The following LRRTM4 variants were observed in gnomAD, a reference collection of about 807,000 sequenced individuals.
The protein encoded by LRRTM4 is leucine-rich repeat transmembrane neuronal protein 4.
In LRRTM4, 25 loss-of-function variants were observed where a neutral mutation model predicts 47.6. That is an observed-to-expected ratio of 0.53 (90% CI 0.38 to 0.73). The LOEUF is 0.73. LRRTM4 is among the 30% of genes least tolerant of loss of function. The pLI, the probability that LRRTM4 is intolerant of heterozygous loss-of-function variation, is 0.00. For missense variants in LRRTM4, 638 were observed against 713.4 expected (o/e 0.89, Z 1.20); for synonymous variants, 311 against 269.5 (o/e 1.15, Z -1.51).
chr2:77,385,138 G>A (rs1357515421), intron 3 of LRRTM4, among the ~76,000 whole-genome samples: 1 of 152,090 alleles, frequency 6.6e-6, no homozygotes, highest in Non-Finnish European at 1.5e-5. Context: ...ACCAATCACA[G>A]TGAATATCTG....
intron 3 of LRRTM4, among the ~76,000 whole-genome samples, chr2:76,780,194 A>G (rs1017126166): frequency 1.4e-4 from 22 of 151,880 alleles, no homozygotes; most frequent in African/African-American, 5.3e-4. Context: ...TGCCCTTAAC[A>G]TTTTTTCCTT....
intron 3 of LRRTM4, among the ~76,000 whole-genome samples, chr2:77,170,200 T>C (rs1673008110): frequency 6.6e-6 from 1 of 151,586 alleles, no homozygotes; most frequent in South Asian, 2.1e-4. Context: ...ATGTGAGTCC[T>C]TAAGAGTGGG....
At chr2:76,795,525 C>T (rs10221606) in intron 3 of LRRTM4, among the ~76,000 whole-genome samples, 17,111 of 151,894 alleles carry the variant, frequency 0.11, 1,139 homozygotes, top group Non-Finnish European at 0.14. Context: ...GAGAGCACTA[C>T]ATATATACCA....
At chr2:77,316,650 C>T (rs1162139215) in intron 3 of LRRTM4, among the ~76,000 whole-genome samples, 5 of 151,814 alleles carry the variant, frequency 3.3e-5, no homozygotes, top group Admixed American at 6.6e-5. Flanking sequence ...TAGATTCAAG[C>T]GGTCCTCCTG....
intron 3 of LRRTM4, among the ~76,000 whole-genome samples, chr2:76,935,574 G>A (rs941752579): frequency 6.6e-6 from 1 of 152,122 alleles, no homozygotes; most frequent in Non-Finnish European, 1.5e-5. Flanking sequence ...CACATCCCTT[G>A]TAAGTTGTAT....
At chr2:77,266,000 T>C (rs1676039184) in intron 3 of LRRTM4, among the ~76,000 whole-genome samples, 1 of 152,160 alleles carries the variant, frequency 6.6e-6, no homozygotes, top group South Asian at 2.1e-4. Flanking sequence ...GGTTGGTAAA[T>C]TGTGGCCCAC....
At chr2:76,983,514 C>A (rs1676685736) in intron 3 of LRRTM4, among the ~76,000 whole-genome samples, 2 of 152,180 alleles carry the variant, frequency 1.3e-5, no homozygotes, top group African/African-American at 4.8e-5. Flanking sequence ...GTAAGACATG[C>A]CTTTGCTGCT....
At chr2:77,478,410 T>G (rs373601859) in intron 3 of LRRTM4, among the ~76,000 whole-genome samples, 2 of 152,210 alleles carry the variant, frequency 1.3e-5, no homozygotes, top group Non-Finnish European at 2.9e-5. Flanking sequence ...CTCTTCATTC[T>G]CTTCTTTTTA....
intron 3 of LRRTM4, among the ~76,000 whole-genome samples, chr2:76,854,079 T>C (rs1672074874): frequency 6.6e-6 from 1 of 152,186 alleles, no homozygotes. Context: ...TTACAGATTT[T>C]ATAATCCCCT....
intron 3 of LRRTM4, among the ~76,000 whole-genome samples, chr2:77,152,638 A>G (rs940951072): frequency 3.9e-5 from 6 of 152,050 alleles, no homozygotes; most frequent in Non-Finnish European, 5.9e-5. Context: ...ACTTTTTTGT[A>G]TCTTAGTTTC....
At chr2:76,858,587 T>C (rs1028684798) in intron 3 of LRRTM4, among the ~76,000 whole-genome samples, 57 of 152,308 alleles carry the variant, frequency 3.7e-4, no homozygotes, top group African/African-American at 1.3e-3. Context: ...TATTCTGCAG[T>C]AGGTAAAATA....
intron 3 of LRRTM4, among the ~76,000 whole-genome samples, chr2:77,417,699 T>A (rs1035618477): frequency 7.3e-6 from 1 of 137,560 alleles, no homozygotes; most frequent in Non-Finnish European, 1.5e-5. Flanking sequence ...CACTCATAGG[T>A]GGGAATTGAA....
Position 76,796,385 on chromosome 2 carries a change from C to T in LRRTM4, c.1552-47469G>A, listed in dbSNP as rs529655105. 4.9e-4 allele frequency among the ~76,000 whole-genome samples: 64 copies of T among 130,830 alleles called. 2 individuals are homozygous for T. Among genetic ancestry groups the T allele is most frequent in the African/African-American group, 1.9e-3 (63 of 33,432 alleles). 85.8% of individuals were successfully genotyped at this position (130,830 alleles called of 152,430 possible). A position where few individuals can be genotyped will look rare whatever the true frequency, so the allele number is the denominator to read the frequency against. On this transcript the variant is annotated intron_variant, in intron 3 of 3. Coordinates refer to ENST00000409884, the MANE Select transcript of LRRTM4 (RefSeq NM_001134745.3). ...GGCAGGGCACAGACAAACAAAAAGA[C>T]AGCAGTAACCTCTGCAGACTTAAAT...
At chr2:77,261,048 C>G (rs10176972) in intron 3 of LRRTM4, among the ~76,000 whole-genome samples, 18,718 of 151,918 alleles carry the variant, frequency 0.12, 3,867 homozygotes, top group African/African-American at 0.42. Context: ...TGTGTGTAGC[C>G]TATAGGTGAA....
Position 76,816,819 on chromosome 2 carries a change from G to GTTTTTTTTT in LRRTM4, c.1552-67912_1552-67904dup, listed in dbSNP as rs201525166. 1.0e-3 allele frequency among the ~76,000 whole-genome samples: 101 copies of GTTTTTTTTT among 96,506 alleles called. 4 individuals carry two copies. The highest frequency in any genetic ancestry group is 1.9e-3 in the Non-Finnish European group (74 of 39,878). The allele number at this position is 96,506 out of a possible 152,430, so 63.3% of individuals were successfully genotyped here. On this transcript the variant is annotated intron_variant, in intron 3 of 3. Coordinates refer to ENST00000409884, the MANE Select transcript of LRRTM4 (RefSeq NM_001134745.3). ...CACTGCTTTTACTTAGAGGTAAAGA[G>GTTTTTTTTT]TTTTTTTTTTTTTTTTTTTTTTTTT...
chr2:77,285,477 C>A (rs1676629822), intron 3 of LRRTM4, among the ~76,000 whole-genome samples: 1 of 151,660 alleles, frequency 6.6e-6, no homozygotes, highest in Admixed American at 6.6e-5. Flanking sequence ...TGCAGTGGCT[C>A]ATGCCTGTAA....
chr2:77,084,273 G>A (rs1340140899), intron 3 of LRRTM4, among the ~76,000 whole-genome samples: 1 of 152,088 alleles, frequency 6.6e-6, no homozygotes, highest in Non-Finnish European at 1.5e-5. Context: ...TTGTAATATG[G>A]GATGTGATGG....
intron 3 of LRRTM4, among the ~76,000 whole-genome samples, chr2:76,757,208 T>C (rs1413248923): frequency 6.6e-6 from 1 of 152,106 alleles, no homozygotes; most frequent in Non-Finnish European, 1.5e-5. Flanking sequence ...ATTGGGACAA[T>C]TTTAAACTTT....
chr2:77,361,802 C>G (rs1465682444), intron 3 of LRRTM4, among the ~76,000 whole-genome samples: 1 of 152,140 alleles, frequency 6.6e-6, no homozygotes, highest in Non-Finnish European at 1.5e-5. Context: ...TTCTCCCTTT[C>G]TATCAGTACA....
Sources: allele counts gnomAD v4.1 joint callset (sites outside exome capture counted in the v4.1 genomes callset), GRCh38; gene constraint gnomAD v4.1.1; transcripts MANE v1.5; gene names NCBI Gene and HGNC (gene_info 2026-07-23, HGNC 2026-07-21).